Variants in DYM observed in about 807,000 individuals in gnomAD.
DYM encodes the protein dymeclin, also known as dyggve-Melchior-Clausen syndrome protein.
A neutral mutation model predicts 93.1 loss-of-function variants in DYM; 78 were observed. That is an observed-to-expected ratio of 0.84 (90% CI 0.70 to 1.01). The LOEUF (loss-of-function observed/expected upper bound fraction) is 1.01. DYM is among the 50% of genes least tolerant of loss of function. The pLI is 0.00. For missense variants in DYM, 789 were observed against 845.0 expected, an observed-to-expected ratio of 0.93 and a Z score of 0.82; for synonymous variants, 321 against 319.7, an observed-to-expected ratio of 1.00 and a Z score of -0.04.
At chr18:49,459,720 G>C (rs1304888966) in intron 1 of DYM, among the ~76,000 whole-genome samples, 1 of 152,124 alleles carries the variant, frequency 6.6e-6, no homozygotes, top group African/African-American at 2.4e-5. Flanking sequence ...CTGTTCAGTA[G>C]AGAACAGCTT....
At chr18:49,370,489 G>A (rs181742501) in intron 5 of DYM, among the ~76,000 whole-genome samples, 4 of 152,148 alleles carry the variant, frequency 2.6e-5, no homozygotes, top group Non-Finnish European at 4.4e-5. Context: ...AACTATAGGC[G>A]GGTTCAGTGG....
chr18:49,340,646 G>A (rs545666598), intron 6 of DYM, among the ~76,000 whole-genome samples: 1 of 152,262 alleles, frequency 6.6e-6, no homozygotes, highest in South Asian at 2.1e-4. Context: ...CAGGGCTTGT[G>A]GGATGAAAGG....
chr18:49,069,004 GAC>G (rs898625219), intron 17 of DYM, among the ~76,000 whole-genome samples: 6 of 152,330 alleles, frequency 3.9e-5, no homozygotes, highest in African/African-American at 1.4e-4. Flanking sequence ...ATATTGAGGA[GAC>G]ACAGGCAAAA....
At chr18:49,069,636 A>C (rs1342490986) in intron 17 of DYM, among the ~76,000 whole-genome samples, 3 of 152,248 alleles carry the variant, frequency 2.0e-5, no homozygotes, top group Non-Finnish European at 4.4e-5. Flanking sequence ...TGCTAATCAG[A>C]ACAAGTGGCC....
chr18:49,144,941 A>C (rs1042306071), intron 15 of DYM, among the ~76,000 whole-genome samples: 10 of 151,090 alleles, frequency 6.6e-5, no homozygotes, highest in Admixed American at 1.3e-4. Context: ...ATTTACAAAA[A>C]ATAAAAAACT....
intron 13 of DYM, among the ~76,000 whole-genome samples, chr18:49,224,913 A>C (rs939310542): frequency 8.5e-5 from 13 of 152,136 alleles, no homozygotes; most frequent in Non-Finnish European, 1.5e-4. Flanking sequence ...GGCCAAAAAA[A>C]CCATAAAGAA....
intron 16 of DYM, among the ~76,000 whole-genome samples, chr18:49,106,480 G>T (rs1405482270): frequency 6.6e-6 from 1 of 152,140 alleles, no homozygotes; most frequent in Non-Finnish European, 1.5e-5. Context: ...CTTGTTAGTC[G>T]ATGCAGTTTC....
Position 49,328,498 on chromosome 18 carries a change from C to T in DYM, c.763+3366G>A, listed in dbSNP as rs987527956. 2.2e-4 allele frequency among the ~76,000 whole-genome samples: 33 copies of T among 152,124 alleles called. 1 individual carries two copies. Among genetic ancestry groups the T allele is most frequent in the Non-Finnish European group, 3.1e-4 (21 of 68,040 alleles). On this transcript the variant is annotated intron_variant, in intron 8 of 17. Coordinates refer to ENST00000675505, the MANE Select transcript of DYM (RefSeq NM_001353214.3). ...AACTACCATCAAAGTGAACAGACAA[C>T]CTACAGAATGGGAGAAAATTTTTGT...
At chr18:49,253,461 C>A (rs2094330288) in intron 13 of DYM, among the ~76,000 whole-genome samples, 1 of 152,204 alleles carries the variant, frequency 6.6e-6, no homozygotes, top group African/African-American at 2.4e-5. Flanking sequence ...CAAATATTTT[C>A]TCAGGAAATA....
chr18:49,152,722 A>G (rs1459335380), intron 15 of DYM, among the ~76,000 whole-genome samples: 4 of 152,200 alleles, frequency 2.6e-5, no homozygotes, highest in Admixed American at 6.5e-5. Flanking sequence ...AAGACAACCT[A>G]AGTACTCGCT....
intron 2 of DYM, among the ~76,000 whole-genome samples, chr18:49,409,951 C>T (rs988903999): frequency 1.3e-5 from 2 of 152,170 alleles, no homozygotes; most frequent in Admixed American, 6.5e-5. Flanking sequence ...CCTAAAGAAA[C>T]GATTTGTGCC....
intron 8 of DYM, among the ~76,000 whole-genome samples, chr18:49,327,236 T>G (rs937887413): frequency 6.6e-6 from 1 of 152,178 alleles, no homozygotes; most frequent in Non-Finnish European, 1.5e-5. Flanking sequence ...AAATTTTTTT[T>G]TAAGTAGGAG....
intron 17 of DYM, among the ~76,000 whole-genome samples, chr18:49,060,545 T>G (rs748949678): frequency 6.7e-6 from 1 of 149,296 alleles, no homozygotes; most frequent in Non-Finnish European, 1.5e-5. Flanking sequence ...GAAGGTAGGC[T>G]CTCTGTGTGC....
At chr18:49,293,859 C>T (rs190113104) in intron 8 of DYM, among the ~76,000 whole-genome samples, 4 of 152,256 alleles carry the variant, frequency 2.6e-5, no homozygotes, top group Non-Finnish European at 2.9e-5. Flanking sequence ...GTTGTCATTG[C>T]TTTTGATGTT....
chr18:49,394,767 G>T (rs1599889609), intron 2 of DYM, among the ~76,000 whole-genome samples: 1 of 151,820 alleles, frequency 6.6e-6, no homozygotes, highest in Admixed American at 6.6e-5. Flanking sequence ...TTTATTGCTA[G>T]GTTTTTTTAA....
At chr18:49,376,705 C>G (rs1281456896) in intron 5 of DYM, among the ~76,000 whole-genome samples, 1 of 152,218 alleles carries the variant, frequency 6.6e-6, no homozygotes, top group Non-Finnish European at 1.5e-5. Flanking sequence ...AGGCGATAGA[C>G]TCCTTGGACA....
chr18:49,096,300 C>T (rs1394355227), intron 17 of DYM, among the ~76,000 whole-genome samples: 3 of 152,160 alleles, frequency 2.0e-5, no homozygotes, highest in Admixed American at 6.5e-5. Context: ...AGTGGAACTT[C>T]AGTAAATGAT....
chr18:49,088,736 T>C (rs932074434), intron 17 of DYM, among the ~76,000 whole-genome samples: 6 of 152,048 alleles, frequency 3.9e-5, no homozygotes, highest in African/African-American at 1.4e-4. Context: ...AATAAGCAAA[T>C]GGGTTAAGAG....
chr18:49,300,277 G>C (rs992804297), intron 8 of DYM, among the ~76,000 whole-genome samples: 2 of 151,450 alleles, frequency 1.3e-5, no homozygotes, highest in Non-Finnish European at 2.9e-5. Flanking sequence ...TAACCAAAAA[G>C]AATCAATTTG....
Sources: gnomAD v4.1 joint callset for allele counts (sites outside exome capture counted in the v4.1 genomes callset) on GRCh38, gnomAD v4.1.1 for gene constraint, MANE v1.5 for transcripts, NCBI Gene and HGNC (gene_info 2026-07-23, HGNC 2026-07-21) for gene names.